The following RPTOR variants were observed in gnomAD, a reference collection of about 807,000 sequenced individuals.
RPTOR encodes the protein regulatory-associated protein of mTOR.
A neutral mutation model predicts 169.9 loss-of-function variants in RPTOR; 21 were observed. The ratio of observed to expected loss-of-function variants is 0.12; its 90% CI spans 0.09 to 0.18. The LOEUF is 0.18. Among genes scored for constraint, RPTOR ranks in the 10% least tolerant of loss-of-function variants. The pLI is 1.00. For synonymous variants in RPTOR, 732 were observed against 753.2 expected (o/e 0.97, Z 0.46); for missense variants, 1,133 against 1,855.9 (o/e 0.61, Z 7.16).
intron 1 of RPTOR, among the ~76,000 whole-genome samples, chr17:80,579,816 T>G (rs898980872): frequency 6.6e-6 from 1 of 152,172 alleles, no homozygotes; most frequent in African/African-American, 2.4e-5. Flanking sequence ...GAGTCGAGGA[T>G]TTCAGCGCAG....
chr17:80,558,409 G>T (rs544706262), intron 1 of RPTOR, among the ~76,000 whole-genome samples: 1 of 152,168 alleles, frequency 6.6e-6, no homozygotes, highest in African/African-American at 2.4e-5. Flanking sequence ...GGAGACAGTC[G>T]CCGAGAACAA....
intron 21 of RPTOR, 123 bp from the exon 22 acceptor site, chr17:80,922,601 C>T: frequency 3.9e-6 from 3 of 775,918 alleles, no homozygotes; most frequent in Non-Finnish European, 4.3e-6. Flanking sequence ...GGTGTTGGTG[C>T]TTCCTCGGCC....
chr17:80,745,248 G>T (rs892101251), intron 5 of RPTOR, among the ~76,000 whole-genome samples: 8 of 152,236 alleles, frequency 5.3e-5, no homozygotes, highest in African/African-American at 1.9e-4. Context: ...GCTGTGGGTT[G>T]CTAATAGCTA....
At chr17:80,619,284 T>G (rs910733874) in intron 1 of RPTOR, among the ~76,000 whole-genome samples, 3 of 152,166 alleles carry the variant, frequency 2.0e-5, no homozygotes, top group Admixed American at 1.3e-4. Flanking sequence ...AGGCAGTGAT[T>G]GGGCTGCTGA....
chr17:80,648,235 C>T (rs954440220), intron 3 of RPTOR, among the ~76,000 whole-genome samples: 18 of 152,186 alleles, frequency 1.2e-4, no homozygotes, highest in South Asian at 4.1e-4. Flanking sequence ...ACTATACCTC[C>T]TGTTGGGAGG....
At chr17:80,948,932 T>C (rs57227627) in intron 27 of RPTOR, among the ~76,000 whole-genome samples, 1 of 152,080 alleles carries the variant, frequency 6.6e-6, no homozygotes, top group African/African-American at 2.4e-5. Flanking sequence ...GTCTGCATTG[T>C]CCCTTCAAGT....
intron 24 of RPTOR, among the ~76,000 whole-genome samples, chr17:80,926,753 G>A (rs116623002): frequency 1.6e-4 from 24 of 152,346 alleles, no homozygotes; most frequent in African/African-American, 5.8e-4. Context: ...AGACACAGAT[G>A]TGCATACGAC....
At chr17:80,616,628 A>G (rs963203889) in intron 1 of RPTOR, among the ~76,000 whole-genome samples, 1 of 152,152 alleles carries the variant, frequency 6.6e-6, no homozygotes, top group East Asian at 1.9e-4. Context: ...CATGAAATAA[A>G]TTTTAGAAAA....
At chr17:80,677,663 T>G (rs1031892028) in intron 3 of RPTOR, among the ~76,000 whole-genome samples, 1 of 152,224 alleles carries the variant, frequency 6.6e-6, no homozygotes, top group Non-Finnish European at 1.5e-5. Context: ...TTTCTCTTCC[T>G]CAACTTGTTA....
At chr17:80,777,601 G>T (rs1437307738) in intron 6 of RPTOR, among the ~76,000 whole-genome samples, 1 of 151,506 alleles carries the variant, frequency 6.6e-6, no homozygotes, top group African/African-American at 2.4e-5. Flanking sequence ...TTTTATTTTG[G>T]TAAAGTCCAT....
intron 13 of RPTOR, among the ~76,000 whole-genome samples, chr17:80,864,184 A>G (rs956195262): frequency 2.0e-5 from 3 of 152,264 alleles, no homozygotes; most frequent in African/African-American, 7.2e-5. Context: ...ACACGAAGGC[A>G]TATCGCAATC....
intron 6 of RPTOR, among the ~76,000 whole-genome samples, chr17:80,768,598 C>T (rs1009834618): frequency 8.5e-5 from 13 of 152,238 alleles, no homozygotes; most frequent in Admixed American, 4.6e-4. Flanking sequence ...TCCTCACTGT[C>T]CGTGTCTCAT....
chr17:80,700,740 T>C (rs1322507390), intron 3 of RPTOR, among the ~76,000 whole-genome samples: 4 of 46,980 alleles, frequency 8.5e-5, no homozygotes, highest in South Asian at 8.6e-4. Context: ...ATGATGGTGG[T>C]GGTGGTGGTG....
Position 80,925,393 on chromosome 17 carries a change from T to C in RPTOR, c.2832T>C (p.Ala944=), listed in dbSNP as rs2068799781. 5 of 1,613,774 alleles carry C rather than the reference T, an allele frequency of 3.1e-6. No homozygotes were observed. Among genetic ancestry groups the C allele is most frequent in the Non-Finnish European group, 4.2e-6 (5 of 1,180,032 alleles). Reference sequence around the variant, plus strand: ...AGACTGCGGACGACGCGGACGATGCTGCTGGACACAAAAGTTTCATCTCCG... The same window carrying C: ...AGACTGCGGACGACGCGGACGATGCCGCTGGACACAAAAGTTTCATCTCCG... ...PEQTADDADD[A]AGHKSFISAT... The change falls in exon 24 of 34, where the codon GCT becomes GCC. Residue 944 remains alanine, a synonymous_variant. Transcript: ENST00000306801.
intron 20 of RPTOR, among the ~76,000 whole-genome samples, chr17:80,895,217 C>T (rs2068383474): frequency 6.6e-6 from 1 of 152,344 alleles, no homozygotes; most frequent in East Asian, 1.9e-4. Flanking sequence ...TACCCGGCCC[C>T]CAGCCTGGGC....
chr17:80,731,434 C>CT (rs1277677184), intron 5 of RPTOR, among the ~76,000 whole-genome samples: 1 of 151,918 alleles, frequency 6.6e-6, no homozygotes, highest in Non-Finnish European at 1.5e-5. Flanking sequence ...AACCACTAAG[C>CT]TAAAATGATA....
intron 20 of RPTOR, among the ~76,000 whole-genome samples, chr17:80,897,411 A>C (rs1467015718): frequency 6.6e-6 from 1 of 152,142 alleles, no homozygotes; most frequent in Non-Finnish European, 1.5e-5. Context: ...CACTCTTTTT[A>C]TGAGTGCAAA....
intron 24 of RPTOR, among the ~76,000 whole-genome samples, chr17:80,927,612 GTCTGTCTGTC>G (rs2068826063): frequency 6.7e-6 from 1 of 149,992 alleles, no homozygotes; most frequent in African/African-American, 2.4e-5. Flanking sequence ...GTGTGTGTCT[GTCTGTCTGTC>G]TGTCTGTCTG....
chr17:80,557,536 A>T (rs1404596702), intron 1 of RPTOR, among the ~76,000 whole-genome samples: 3 of 91,712 alleles, frequency 3.3e-5, no homozygotes, highest in African/African-American at 9.9e-5. Flanking sequence ...CAATAACTCA[A>T]TAAATCAATA....
Sources: allele counts gnomAD v4.1 joint callset (sites outside exome capture counted in the v4.1 genomes callset), GRCh38; gene constraint gnomAD v4.1.1; transcripts MANE v1.5; gene names NCBI Gene and HGNC (gene_info 2026-07-23, HGNC 2026-07-21).